The following WIF1 variants were observed in gnomAD, a reference collection of about 807,000 sequenced individuals.
The protein encoded by WIF1 is Wnt inhibitory factor 1.
In WIF1, 35 loss-of-function variants were observed where a neutral mutation model predicts 53.5. The ratio of observed to expected loss-of-function variants is 0.65; its 90% CI spans 0.50 to 0.87. The LOEUF (loss-of-function observed/expected upper bound fraction) is 0.87. Among genes scored for constraint, WIF1 ranks in the 40% least tolerant of loss-of-function variants. WIF1 has a pLI of 0.00. For missense variants in WIF1, 467 were observed against 476.8 expected (o/e 0.98, Z 0.19); for synonymous variants, 171 against 170.4 (o/e 1.00, Z -0.03).
intron 2 of WIF1, among the ~76,000 whole-genome samples, chr12:65,080,247 C>T (rs1229780390): frequency 2.6e-5 from 4 of 152,166 alleles, no homozygotes; most frequent in South Asian, 2.1e-4. Flanking sequence ...TTCCAAAAGA[C>T]CACTGTGAAC....
At chr12:65,080,196 C>T (rs569449961) in intron 2 of WIF1, among the ~76,000 whole-genome samples, 4 of 152,140 alleles carry the variant, frequency 2.6e-5, no homozygotes, top group Non-Finnish European at 5.9e-5. Context: ...CTTCATGGAC[C>T]AAATTCCCAC....
At chr12:65,095,754 C>G (rs546545090) in intron 2 of WIF1, 1 of 152,118 alleles carries the variant, frequency 6.6e-6, no homozygotes, top group South Asian at 2.1e-4. Context: ...AGATCGTGCT[C>G]ACTTCGGCAG....
At chr12:65,119,855 A>G (rs1410914950) in intron 2 of WIF1, among the ~76,000 whole-genome samples, 2 of 152,234 alleles carry the variant, frequency 1.3e-5, no homozygotes, top group Non-Finnish European at 2.9e-5. Context: ...TCCATATGAA[A>G]GCATTTAAAA....
chr12:65,102,167 A>G (rs1883291621), intron 2 of WIF1, among the ~76,000 whole-genome samples: 1 of 152,152 alleles, frequency 6.6e-6, no homozygotes, highest in Non-Finnish European at 1.5e-5. Flanking sequence ...TTTGATAGTA[A>G]CTTCTCTCAC....
chr12:65,062,522 C>A lies in WIF1; in HGVS notation c.785G>T (p.Cys262Phe), dbSNP rs758984948. The A allele has an allele frequency of 1.8e-5, 29 of 1,608,902 alleles. No homozygotes were observed. Among genetic ancestry groups the A allele is most frequent in the Non-Finnish European group, 2.3e-5 (27 of 1,177,330 alleles). Residue 262 changes from cysteine to phenylalanine, a missense_variant, in exon 7 of 10, where the codon TGT becomes TTT. Cys to Phe is a radical substitution (Grantham distance 205). Transcript: ENST00000286574. Reference protein sequence around the residue: ...NGGTCFYPGKCICPPGLEGEQ... With the variant: ...NGGTCFYPGKFICPPGLEGEQ... The stretch of plus-strand genomic sequence containing the variant: ...TCCCTCTAGTCCTGGAGGGCAAATA[C>A]ATTTTCCAGGGTAGAAACAGGTCCC...
At chr12:65,055,239 T>C (rs1173585844) in intron 8 of WIF1, 26 bp from the exon 9 acceptor site, 16 of 1,604,952 alleles carry the variant, frequency 1.0e-5, no homozygotes, top group Non-Finnish European at 1.4e-5. Context: ...ATAAAAAGAG[T>C]ATTTCCTGAG....
At chr12:65,115,275 T>C (rs1883491858) in intron 2 of WIF1, among the ~76,000 whole-genome samples, 7 of 151,100 alleles carry the variant, frequency 4.6e-5, no homozygotes, top group Admixed American at 4.6e-4. Flanking sequence ...TGATAGAACA[T>C]ATTATAGTTA....
At chr12:65,059,299 A>C (rs1286087102) in intron 7 of WIF1, among the ~76,000 whole-genome samples, 1 of 152,252 alleles carries the variant, frequency 6.6e-6, no homozygotes, top group Non-Finnish European at 1.5e-5. Flanking sequence ...TTTAAGTGCC[A>C]ACAATTGTCA....
At chr12:65,092,502 A>ATG (rs1338241151) in intron 2 of WIF1, among the ~76,000 whole-genome samples, 422 of 17,740 alleles carry the variant, frequency 0.024, 2 homozygotes, top group African/African-American at 0.047. Context: ...GTGTATATAT[A>ATG]TGTGTGTATA....
intron 4 of WIF1, among the ~76,000 whole-genome samples, chr12:65,068,535 T>G (rs1036464829): frequency 5.9e-5 from 9 of 152,064 alleles, no homozygotes; most frequent in African/African-American, 1.9e-4. Flanking sequence ...CTATTCCTAA[T>G]ATTAAAAGTG....
chr12:65,069,143 T>C (rs1192771284), intron 3 of WIF1, among the ~76,000 whole-genome samples: 2 of 152,196 alleles, frequency 1.3e-5, no homozygotes, highest in African/African-American at 2.4e-5. Flanking sequence ...TAATATGGAA[T>C]TGGTGATATT....
chr12:65,100,974 C>CA (rs1318214057), intron 2 of WIF1, among the ~76,000 whole-genome samples: 1 of 152,014 alleles, frequency 6.6e-6, no homozygotes, highest in Admixed American at 6.6e-5. Context: ...AAAAAACAAA[C>CA]AAAAAAGGAC....
chr12:65,110,197 C>G (rs1883409306), intron 2 of WIF1, among the ~76,000 whole-genome samples: 1 of 152,154 alleles, frequency 6.6e-6, no homozygotes, highest in Non-Finnish European at 1.5e-5. Flanking sequence ...CAGTGTTTCT[C>G]CATCTGGCCC....
intron 2 of WIF1, among the ~76,000 whole-genome samples, chr12:65,107,105 C>T (rs1883363038): frequency 6.6e-6 from 1 of 151,994 alleles, no homozygotes; most frequent in African/African-American, 2.4e-5. Context: ...AGAGCACCTG[C>T]AAGCTTAAAA....
intron 2 of WIF1, among the ~76,000 whole-genome samples, chr12:65,080,318 G>A (rs1882928155): frequency 6.6e-6 from 1 of 152,138 alleles, no homozygotes; most frequent in Non-Finnish European, 1.5e-5. Flanking sequence ...TCACTAGGAT[G>A]GCCCTGAGAA....
In WIF1 at chr12:65,092,477, T is replaced by C. The variant is rs191976217; in HGVS notation, c.289-14623A>G. On this transcript the variant is annotated intron_variant, in intron 2 of 9. Coordinates refer to ENST00000286574, the MANE Select transcript of WIF1 (RefSeq NM_007191.5). Reference sequence around the variant, plus strand: ...ATATATACACATGTATATGTGTGTGTGTGTATATATATGTGTGTATATATA... The same window carrying C: ...ATATATACACATGTATATGTGTGTGCGTGTATATATATGTGTGTATATATA... 7.0e-3 allele frequency among the ~76,000 whole-genome samples: 817 copies of C among 116,176 alleles called. 6 individuals carry two copies. Among genetic ancestry groups the C allele is most frequent in the African/African-American group, 0.024 (740 of 31,254 alleles). The allele number at this position is 116,176 out of a possible 152,430, so 76.2% of individuals were successfully genotyped here.
At chr12:65,072,020 T>C (rs189940136) in intron 3 of WIF1, among the ~76,000 whole-genome samples, 2 of 152,310 alleles carry the variant, frequency 1.3e-5, no homozygotes, top group East Asian at 3.9e-4. Context: ...CTTGTCTTCG[T>C]TTCTGTTTAT....
intron 2 of WIF1, among the ~76,000 whole-genome samples, chr12:65,097,156 AC>A (rs1261167435): frequency 6.6e-6 from 1 of 151,354 alleles, no homozygotes; most frequent in Admixed American, 6.6e-5. Flanking sequence ...TCTTTTATTC[AC>A]CTTAAAAAAA....
intron 3 of WIF1, among the ~76,000 whole-genome samples, chr12:65,070,612 G>A (rs781496473): frequency 3.2e-4 from 48 of 152,210 alleles, no homozygotes; most frequent in Non-Finnish European, 5.3e-4. Flanking sequence ...AAACTTGAAC[G>A]GATACTTAAA....
Sources: allele counts gnomAD v4.1 joint callset (sites outside exome capture counted in the v4.1 genomes callset), GRCh38; gene constraint gnomAD v4.1.1; transcripts MANE v1.5; gene names NCBI Gene and HGNC (gene_info 2026-07-23, HGNC 2026-07-21).